CACNG4: variants seen among roughly 807,000 people sequenced by gnomAD.
CACNG4 encodes the protein calcium voltage-gated channel auxiliary subunit gamma 4, also known as voltage-dependent calcium channel gamma-4 subunit.
A neutral mutation model predicts 22.9 loss-of-function variants in CACNG4; 8 were observed. That is an observed-to-expected ratio of 0.35 (90% CI 0.21 to 0.63). The LOEUF is 0.63. Ranked by LOEUF, CACNG4 falls within the 30% of genes least tolerant of loss-of-function variation. CACNG4 has a pLI of 0.72. For synonymous variants in CACNG4, 188 were observed against 191.9 expected, an observed-to-expected ratio of 0.98 and a Z score of 0.17; for missense variants, 357 against 455.4, an observed-to-expected ratio of 0.78 and a Z score of 1.97.
intron 1 of CACNG4, among the ~76,000 whole-genome samples, chr17:66,971,878 G>A (rs149904596): frequency 7.2e-5 from 11 of 152,236 alleles, no homozygotes; most frequent in Middle Eastern, 3.4e-3. Flanking sequence ...GCAGAACTTC[G>A]GGCAAGGAAG....
intron 1 of CACNG4, among the ~76,000 whole-genome samples, chr17:66,986,167 A>G (rs956071254): frequency 1.4e-4 from 22 of 152,230 alleles, no homozygotes; most frequent in Non-Finnish European, 2.5e-4. Flanking sequence ...AGAGGAGGCC[A>G]GAAGCTGGGG....
chr17:67,014,704 C>T (rs1231936094), intron 1 of CACNG4, among the ~76,000 whole-genome samples: 3 of 151,988 alleles, frequency 2.0e-5, no homozygotes, highest in African/African-American at 4.8e-5. Context: ...TGGGAGGCCA[C>T]GGTGGGTGGA....
At chr17:67,014,542 C>G (rs2035485866) in intron 1 of CACNG4, among the ~76,000 whole-genome samples, 2 of 152,138 alleles carry the variant, frequency 1.3e-5, no homozygotes, top group African/African-American at 4.8e-5. Context: ...TCAGACCCAG[C>G]CTGAACGTTG....
intron 1 of CACNG4, among the ~76,000 whole-genome samples, chr17:66,980,617 A>ATTTTTTTTT (rs1173198753): frequency 8.6e-6 from 1 of 116,086 alleles, no homozygotes; most frequent in African/African-American, 4.9e-5. Context: ...CTTTGTGTAA[A>ATTTTTTTTT]TTCTTTTTTT....
chr17:66,994,885 G>A (rs1042356940), intron 1 of CACNG4, among the ~76,000 whole-genome samples: 15 of 152,120 alleles, frequency 9.9e-5, no homozygotes, highest in African/African-American at 3.4e-4. Flanking sequence ...GGGGAATGGG[G>A]GCATTGGTAG....
Position 67,026,125 on chromosome 17 carries a change from TTGAGGACTGTGGTGTGTTTGTGTGTG to T in CACNG4, c.445+1132_445+1157del, listed in dbSNP as rs1416269035. On this transcript the variant is annotated intron_variant, in intron 3 of 3. Coordinates refer to ENST00000262138, the MANE Select transcript of CACNG4 (RefSeq NM_014405.4). Reference sequence around the variant, plus strand: ...AAGAGTGTGGGATGTGTGTGTGTATTTGAGGACTGTGGTGTGTTTGTGTGTGTGAGGAGTGTGGTGTGTTTGTGTGT... The same window carrying T: ...AAGAGTGTGGGATGTGTGTGTGTATTTGAGGAGTGTGGTGTGTTTGTGTGT... Among the ~76,000 whole-genome samples, 3 of 148,520 alleles carry T rather than the reference TTGAGGACTGTGGTGTGTTTGTGTGTG, an allele frequency of 2.0e-5. No individual in the cohort carries two copies. In the East Asian group the frequency reaches 5.9e-4, roughly 29 times the overall value.
chr17:66,979,010 C>T (rs116906757), intron 1 of CACNG4, among the ~76,000 whole-genome samples: 28 of 152,306 alleles, frequency 1.8e-4, no homozygotes, highest in East Asian at 1.2e-3. Context: ...AGGCCTGCCC[C>T]GCACCCTCCT....
intron 1 of CACNG4, among the ~76,000 whole-genome samples, chr17:66,979,907 C>T (rs2035261146): frequency 6.6e-6 from 1 of 150,886 alleles, no homozygotes; most frequent in Non-Finnish European, 1.5e-5. Context: ...AGGCATGTGC[C>T]ACCATGCCCA....
chr17:67,018,220 T>C lies in CACNG4; in HGVS notation c.252T>C (p.Asn84=), dbSNP rs955108285. The change falls in exon 2 of 4, where the codon AAT becomes AAC. Residue 84 remains asparagine, a synonymous_variant. Transcript: ENST00000262138. The part of the protein sequence containing the change: ...GIYKGHCFRI[N]HFPEDNDYDH... ...ATAAAGGGCACTGCTTCCGGATCAATCACTTCCCAGAGGACAATGACTACG... is the reference window on the plus strand; with the variant it reads ...ATAAAGGGCACTGCTTCCGGATCAACCACTTCCCAGAGGACAATGACTACG... The C allele has an allele frequency of 1.2e-6, 2 of 1,614,136 alleles. No homozygotes were observed. The highest frequency in any genetic ancestry group is 1.7e-6 in the Non-Finnish European group (2 of 1,179,964).
In CACNG4 at chr17:66,965,157, G is replaced by GCCCC. The variant is rs745721001; in HGVS notation, c.220+27_220+30dup. 6.5e-6 allele frequency: 7 copies of GCCCC among 1,074,358 alleles called. No homozygotes were observed. In the African/African-American group the frequency reaches 9.1e-5, roughly 14 times the overall value. 66.6% of individuals were successfully genotyped at this position (1,074,358 alleles called of 1,614,324 possible). A position where few individuals can be genotyped will look rare whatever the true frequency, so the allele number is the denominator to read the frequency against. ...GTACGGCCAGCCCCGACCCCTCGCC[G>GCCCC]CCCCACACACACACACACACACACA... is the stretch of plus-strand genomic sequence containing the variant. On this transcript the variant is annotated intron_variant, in intron 1 of 3. Coordinates refer to ENST00000262138, the MANE Select transcript of CACNG4 (RefSeq NM_014405.4).
At chr17:67,021,500 G>A (rs551481406) in intron 2 of CACNG4, 3 of 152,424 alleles carry the variant, frequency 2.0e-5, no homozygotes, top group African/African-American at 7.2e-5. Flanking sequence ...TTCCACAGAA[G>A]CTGGGCTTGT....
chr17:66,990,599 G>T (rs2035333093), intron 1 of CACNG4, among the ~76,000 whole-genome samples: 1 of 152,160 alleles, frequency 6.6e-6, no homozygotes, highest in Non-Finnish European at 1.5e-5. Context: ...TAGGGGTGGA[G>T]AGTTGATCTT....
chr17:66,969,688 C>T (rs1324957349), intron 1 of CACNG4, among the ~76,000 whole-genome samples: 3 of 152,122 alleles, frequency 2.0e-5, no homozygotes, highest in Non-Finnish European at 4.4e-5. Flanking sequence ...GCCCCAGCTG[C>T]CCCGAGCCCC....
chr17:67,030,938 T>C lies in CACNG4; in HGVS notation c.918T>C (p.Phe306=). 2 of 1,613,726 alleles carry C rather than the reference T, an allele frequency of 1.2e-6. No homozygotes were observed. Among genetic ancestry groups the C allele is most frequent in the Non-Finnish European group, 1.7e-6 (2 of 1,180,020 alleles). ...QEASFLQVHD[F]FQQDLKEGFH... is the part of the protein sequence containing the mutation. Reference sequence around the variant, plus strand: ...CCAGCTTCCTGCAGGTGCATGACTTTTTCCAGCAGGACCTGAAGGAAGGTT... The same window carrying C: ...CCAGCTTCCTGCAGGTGCATGACTTCTTCCAGCAGGACCTGAAGGAAGGTT... Residue 306 remains phenylalanine, a synonymous_variant, in exon 4 of 4, where the codon TTT becomes TTC. Transcript: ENST00000262138. This position sits in a 1 kb window ranked among gnomAD's most constrained non-coding sequence, Gnocchi z 6.4.
chr17:66,977,700 T>C (rs1360261733), intron 1 of CACNG4, among the ~76,000 whole-genome samples: 1 of 151,946 alleles, frequency 6.6e-6, no homozygotes, highest in Non-Finnish European at 1.5e-5. Context: ...CTCTCTCTTG[T>C]TTTTTTCTGA....
At position 67,030,770 on chromosome 17, in the gene CACNG4, C is replaced by T. The variant is rs11649752; in HGVS notation, c.750C>T (p.Thr250=). The change falls in exon 4 of 4, where the codon ACC becomes ACT. Residue 250 remains threonine (T), a synonymous_variant. Coordinates refer to ENST00000262138, the MANE Select transcript of CACNG4 (RefSeq NM_014405.4). This position sits in a 1 kb window ranked among gnomAD's most constrained non-coding sequence, Gnocchi z 6.4. ...GCTCGAGGTCCAGCTCAAGGTCCAC[C>T]GAGGCCTCGCCCTCCAGGGACGTGT... The part of the protein sequence containing the change: ...RRRSRSSSRS[T]EASPSRDVSP... 0.1 allele frequency: 161,820 copies of T among 1,614,126 alleles called. 8,897 individuals are homozygous for T. The highest frequency in any genetic ancestry group is 0.13 in the Admixed American group (7,880 of 60,018).
chr17:67,016,270 C>CG (rs1740338353), intron 1 of CACNG4, among the ~76,000 whole-genome samples: 2 of 152,150 alleles, frequency 1.3e-5, no homozygotes, highest in African/African-American at 4.8e-5. Flanking sequence ...GTTGTTCATG[C>CG]TGGATCCTAT....
chr17:66,992,624 T>TC (rs2035348087), intron 1 of CACNG4, among the ~76,000 whole-genome samples: 1 of 152,170 alleles, frequency 6.6e-6, no homozygotes. Context: ...ATCCCATGGC[T>TC]CCCCAGAGCG....
intron 1 of CACNG4, among the ~76,000 whole-genome samples, chr17:67,017,816 T>G (rs2035508725): frequency 6.6e-6 from 1 of 152,098 alleles, no homozygotes; most frequent in South Asian, 2.1e-4. Flanking sequence ...GTGCCCAGCC[T>G]GTTTTTTATT....
Sources: allele counts gnomAD v4.1 joint callset (sites outside exome capture counted in the v4.1 genomes callset), GRCh38; gene constraint gnomAD v4.1.1; non-coding constraint Gnocchi (gnomAD v3.1); transcripts MANE v1.5; gene names NCBI Gene and HGNC (gene_info 2026-07-23, HGNC 2026-07-21).